The following CTNNA3 variants were observed in gnomAD, a reference collection of about 807,000 sequenced individuals.
CTNNA3 encodes the protein catenin alpha 3.
In CTNNA3, 76 loss-of-function variants were observed where a neutral mutation model predicts 95.7. The ratio of observed to expected loss-of-function variants is 0.79; its 90% CI spans 0.66 to 0.96. The LOEUF (loss-of-function observed/expected upper bound fraction) is 0.96, where lower values mean the gene tolerates loss of function less well. CTNNA3 is among the 40% of genes least tolerant of loss of function. CTNNA3 has a pLI of 0.00. For synonymous variants in CTNNA3, 431 were observed against 374.4 expected (o/e 1.15, Z -1.74); for missense variants, 1,191 against 1,089.8 (o/e 1.09, Z -1.31).
intron 7 of CTNNA3, among the ~76,000 whole-genome samples, chr10:66,890,145 T>A (rs925630606): frequency 3.3e-5 from 5 of 152,162 alleles, no homozygotes; most frequent in African/African-American, 1.2e-4. Flanking sequence ...TTTGGACATG[T>A]AAGGTTTGAA....
intron 6 of CTNNA3, among the ~76,000 whole-genome samples, chr10:67,201,107 C>T (rs1467288448): frequency 1.3e-5 from 2 of 152,160 alleles, no homozygotes; most frequent in African/African-American, 4.8e-5. Flanking sequence ...TGACTCAACA[C>T]TCACATGACT....
At chr10:66,629,467 A>G (rs1219398557) in intron 9 of CTNNA3, among the ~76,000 whole-genome samples, 4 of 151,376 alleles carry the variant, frequency 2.6e-5, no homozygotes, top group Admixed American at 6.6e-5. Context: ...TTTTGCACCA[A>G]CCTATATTTT....
intron 5 of CTNNA3, among the ~76,000 whole-genome samples, chr10:67,512,964 C>A (rs1372147973): frequency 1.3e-5 from 2 of 152,104 alleles, no homozygotes; most frequent in Non-Finnish European, 2.9e-5. Context: ...AGCCTGGCAA[C>A]AGAGCGAGAG....
intron 9 of CTNNA3, among the ~76,000 whole-genome samples, chr10:66,623,512 T>C (rs1018706310): frequency 3.9e-5 from 6 of 152,166 alleles, no homozygotes; most frequent in Non-Finnish European, 5.9e-5. Flanking sequence ...GAAATTATGT[T>C]AAACACAGTG....
At chr10:66,872,309 A>G (rs929922261) in intron 7 of CTNNA3, among the ~76,000 whole-genome samples, 2 of 152,206 alleles carry the variant, frequency 1.3e-5, no homozygotes, top group Non-Finnish European at 2.9e-5. Context: ...TCACACAGCT[A>G]TTAATTATAA....
chr10:67,226,754 C>T (rs1219636745), intron 5 of CTNNA3, among the ~76,000 whole-genome samples: 2 of 152,136 alleles, frequency 1.3e-5, no homozygotes, highest in South Asian at 2.1e-4. Flanking sequence ...ATCCTAGAAA[C>T]ACATCAAAAC....
rs552693481 is a variant in CTNNA3, at chr10:67,124,054, C to CAGG, written c.1047+56260_1047+56262dup. Among the ~76,000 whole-genome samples, 582 of 152,204 alleles carry CAGG rather than the reference C, an allele frequency of 3.8e-3. 3 individuals are homozygous for CAGG. The highest frequency in any genetic ancestry group is 0.017 in the South Asian group (82 of 4,822). On this transcript the variant is annotated intron_variant, in intron 7 of 17. Coordinates refer to ENST00000433211, the MANE Select transcript of CTNNA3 (RefSeq NM_013266.4). Reference sequence around the variant, plus strand: ...AAATCCAAATTCTGAGGCCCCAGCCCAGGAACTCTAAGGGTGGGGCCCAGA... The same window carrying CAGG: ...AAATCCAAATTCTGAGGCCCCAGCCCAGGAGGAACTCTAAGGGTGGGGCCCAGA...
intron 9 of CTNNA3, among the ~76,000 whole-genome samples, chr10:66,735,052 T>G (rs867705605): frequency 2.0e-5 from 3 of 151,580 alleles, no homozygotes; most frequent in Non-Finnish European, 1.5e-5. Context: ...AAAACAATAT[T>G]TTTTATTATA....
At chr10:66,889,136 T>C (rs1203864679) in intron 7 of CTNNA3, among the ~76,000 whole-genome samples, 1 of 152,218 alleles carries the variant, frequency 6.6e-6, no homozygotes, top group Non-Finnish European at 1.5e-5. Flanking sequence ...TCATACTGTA[T>C]GATTCCAACT....
At chr10:66,697,380 A>G (rs1006356287) in intron 9 of CTNNA3, among the ~76,000 whole-genome samples, 4 of 151,326 alleles carry the variant, frequency 2.6e-5, no homozygotes, top group African/African-American at 9.7e-5. Context: ...AACACACGGT[A>G]TACACACGCA....
intron 7 of CTNNA3, among the ~76,000 whole-genome samples, chr10:66,883,058 C>T (rs961419922): frequency 3.9e-5 from 6 of 152,050 alleles, no homozygotes; most frequent in Non-Finnish European, 5.9e-5. Flanking sequence ...TTGCAACGTA[C>T]AGCCATGTTT....
chr10:66,667,660 G>T (rs1428478751), intron 9 of CTNNA3, among the ~76,000 whole-genome samples: 1 of 152,062 alleles, frequency 6.6e-6, no homozygotes, highest in East Asian at 1.9e-4. Flanking sequence ...AAAGAAGCAA[G>T]ATTTAGTCTT....
At chr10:67,691,567 G>A (rs564776255) in intron 1 of CTNNA3, among the ~76,000 whole-genome samples, 39 of 150,844 alleles carry the variant, frequency 2.6e-4, no homozygotes, top group South Asian at 6.3e-4. Flanking sequence ...TGTGAGGAGC[G>A]TCTCTGCCCG....
chr10:66,112,555 G>T (rs1031657283), intron 13 of CTNNA3, among the ~76,000 whole-genome samples: 4 of 152,046 alleles, frequency 2.6e-5, no homozygotes, highest in African/African-American at 9.7e-5. Context: ...GTACAATGCT[G>T]TATATATAGT....
rs561293195 is a variant in CTNNA3 at position 66,912,659 on chromosome 10, C to A, written c.1048-137135G>T. 2.0e-5 allele frequency among the ~76,000 whole-genome samples: 3 copies of A among 152,108 alleles called. No individual in the cohort carries two copies. In the South Asian group the frequency reaches 6.3e-4, roughly 32 times the overall value. ...CTCAATATCTATAGTAAGATATAAC[C>A]CCCAAGAACGGTAGTAAAAAATATT... On this transcript the variant is annotated intron_variant, in intron 7 of 17. Coordinates refer to ENST00000433211, the MANE Select transcript of CTNNA3 (RefSeq NM_013266.4).
intron 7 of CTNNA3, among the ~76,000 whole-genome samples, chr10:66,818,054 A>G (rs138742509): frequency 1.2e-4 from 18 of 151,396 alleles, no homozygotes; most frequent in African/African-American, 3.9e-4. Context: ...GATCATCATA[A>G]TAGGCACAGA....
At chr10:66,583,866 T>G in intron 10 of CTNNA3, among the ~76,000 whole-genome samples, 1 of 151,948 alleles carries the variant, frequency 6.6e-6, no homozygotes, top group Non-Finnish European at 1.5e-5. Context: ...CCAGAGGTTT[T>G]GATAACTTGT....
chr10:65,970,674 T>C lies in CTNNA3; in HGVS notation c.2266-3928A>G, dbSNP rs572095812. Among the ~76,000 whole-genome samples the C allele has an allele frequency of 1.6e-4, 23 of 148,226 alleles. No individual in the cohort carries two copies. In the South Asian group the frequency reaches 2.3e-3, roughly 15 times the overall value. ...TTTAAAATATATTTAAAATATAATA[T>C]ATATAACATATTAGGTAAAATATAT... On this transcript the variant is annotated intron_variant, in intron 16 of 17. Coordinates refer to ENST00000433211, the MANE Select transcript of CTNNA3 (RefSeq NM_013266.4).
intron 5 of CTNNA3, among the ~76,000 whole-genome samples, chr10:67,414,823 T>C (rs1356378410): frequency 6.6e-6 from 1 of 152,216 alleles, no homozygotes; most frequent in East Asian, 1.9e-4. Context: ...TTGCAAATAC[T>C]TGCATATGTT....
Sources: gnomAD v4.1 joint callset for allele counts (sites outside exome capture counted in the v4.1 genomes callset) on GRCh38, gnomAD v4.1.1 for gene constraint, MANE v1.5 for transcripts, NCBI Gene and HGNC (gene_info 2026-07-23, HGNC 2026-07-21) for gene names.